Variants in PACRG observed in about 807,000 individuals in gnomAD.
The protein encoded by PACRG is parkin coregulated, also known as parkin coregulated gene protein.
In PACRG, 29 loss-of-function variants were observed where a neutral mutation model predicts 29.7. The ratio of observed to expected loss-of-function variants is 0.98; its 90% CI spans 0.73 to 1.33. PACRG has a LOEUF of 1.33. Among genes scored for constraint, PACRG ranks in the 40% most tolerant of loss-of-function variants. The probability of loss-of-function intolerance (pLI) is 0.00; values close to 1 mark genes in which losing one functional copy is unlikely to be tolerated. For synonymous variants in PACRG, 116 were observed against 118.7 expected, an observed-to-expected ratio of 0.98 and a Z score of 0.15; for missense variants, 279 against 316.2, an observed-to-expected ratio of 0.88 and a Z score of 0.89.
chr6:163,087,202 A>G (rs1813644502), intron 3 of PACRG, among the ~76,000 whole-genome samples: 1 of 152,104 alleles, frequency 6.6e-6, no homozygotes, highest in South Asian at 2.1e-4. Context: ...AGAGGAGAGA[A>G]GGTGAGGATG....
Position 162,743,330 on chromosome 6 carries a change from T to C in PACRG, c.156+14939T>C, listed in dbSNP as rs564290101. 5.3e-5 allele frequency among the ~76,000 whole-genome samples: 8 copies of C among 152,282 alleles called. No homozygotes were observed. In the South Asian group the frequency reaches 1.7e-3, roughly 32 times the overall value. On this transcript the variant is annotated intron_variant, in intron 1 of 4. Coordinates refer to ENST00000366888, the MANE Select transcript of PACRG (RefSeq NM_001080379.2). Reference sequence around the variant, plus strand: ...ATTCTTATGTAGAGTCTTAAGAAAATACATAAAAGAGAAAAGATAAATCTC... The same window carrying C: ...ATTCTTATGTAGAGTCTTAAGAAAACACATAAAAGAGAAAAGATAAATCTC...
At chr6:163,118,604 CT>C (rs1310037540) in intron 4 of PACRG, among the ~76,000 whole-genome samples, 1 of 152,160 alleles carries the variant, frequency 6.6e-6, no homozygotes, top group Non-Finnish European at 1.5e-5. Flanking sequence ...GTAAAGAACT[CT>C]TTTTAAAAAT....
intron 2 of PACRG, among the ~76,000 whole-genome samples, chr6:162,925,936 G>A (rs1026514959): frequency 7.2e-5 from 11 of 152,026 alleles, no homozygotes; most frequent in Non-Finnish European, 1.2e-4. Flanking sequence ...GTGCTAAGCT[G>A]ATATGCAACT....
At chr6:162,846,250 C>T (rs2128418458) in intron 2 of PACRG, among the ~76,000 whole-genome samples, 1 of 152,206 alleles carries the variant, frequency 6.6e-6, no homozygotes, top group Admixed American at 6.5e-5. Flanking sequence ...TGGGAGCAGC[C>T]CCAGGGAGCA....
intron 4 of PACRG, among the ~76,000 whole-genome samples, chr6:163,174,406 C>T (rs1015151560): frequency 6.6e-6 from 1 of 152,186 alleles, no homozygotes; most frequent in African/African-American, 2.4e-5. Flanking sequence ...CTGAATATGA[C>T]CCAAAACTTC....
At chr6:163,205,726 T>C (rs893857404) in intron 4 of PACRG, among the ~76,000 whole-genome samples, 3 of 152,044 alleles carry the variant, frequency 2.0e-5, no homozygotes, top group Non-Finnish European at 2.9e-5. Context: ...CTAATTAAAC[T>C]AAAGAGCTTC....
At chr6:163,170,543 C>T (rs1278856511) in intron 4 of PACRG, 1 of 152,156 alleles carries the variant, frequency 6.6e-6, no homozygotes, top group African/African-American at 2.4e-5. Flanking sequence ...CTCAAGGACT[C>T]ACCCTACTCT....
intron 2 of PACRG, among the ~76,000 whole-genome samples, chr6:162,892,296 T>G (rs1794823526): frequency 6.6e-6 from 1 of 152,136 alleles, no homozygotes; most frequent in African/African-American, 2.4e-5. Context: ...ATCAGTCTCT[T>G]CAAAAACTGA....
chr6:162,747,902 G>A (rs1398378179), intron 1 of PACRG, among the ~76,000 whole-genome samples: 1 of 152,032 alleles, frequency 6.6e-6, no homozygotes, highest in African/African-American at 2.4e-5. Context: ...AGACACCTGG[G>A]CTAACATCAT....
intron 4 of PACRG, among the ~76,000 whole-genome samples, chr6:163,292,197 G>A (rs1435193553): frequency 1.3e-5 from 2 of 152,138 alleles, no homozygotes; most frequent in Non-Finnish European, 2.9e-5. Context: ...AAGGAAGACC[G>A]ACCTCGACAG....
intron 2 of PACRG, among the ~76,000 whole-genome samples, chr6:162,925,291 G>A (rs1030425905): frequency 1.3e-5 from 2 of 152,072 alleles, no homozygotes; most frequent in East Asian, 1.9e-4. Flanking sequence ...TGAAAAGGAG[G>A]GACTTCTCCC....
chr6:162,849,566 C>T (rs1383194461), intron 2 of PACRG, among the ~76,000 whole-genome samples: 1 of 152,206 alleles, frequency 6.6e-6, no homozygotes. Context: ...TTGTGCTTGT[C>T]TGAGATTGGA....
chr6:162,744,408 G>A (rs1780829236), intron 1 of PACRG, among the ~76,000 whole-genome samples: 1 of 151,982 alleles, frequency 6.6e-6, no homozygotes, highest in Admixed American at 6.6e-5. Flanking sequence ...ACCAGCCTGG[G>A]AAACATAGCC....
At chr6:162,817,930 A>G (rs530684073) in intron 2 of PACRG, among the ~76,000 whole-genome samples, 409 of 152,286 alleles carry the variant, frequency 2.7e-3, no homozygotes, top group Non-Finnish European at 4.7e-3. Context: ...ATTTCTATAT[A>G]CTTATCAATG....
At chr6:162,990,508 A>C in intron 2 of PACRG, among the ~76,000 whole-genome samples, 1 of 138,226 alleles carries the variant, frequency 7.2e-6, no homozygotes, top group South Asian at 2.5e-4. Context: ...GCATTTTTTC[A>C]TGTGTTTTTT....
intron 4 of PACRG, among the ~76,000 whole-genome samples, chr6:163,267,730 C>T (rs1783583943): frequency 6.6e-6 from 1 of 152,190 alleles, no homozygotes; most frequent in African/African-American, 2.4e-5. Context: ...TATAAATCCC[C>T]TGTCACATTT....
chr6:162,873,423 C>T (rs867602856), intron 2 of PACRG, among the ~76,000 whole-genome samples: 3 of 152,190 alleles, frequency 2.0e-5, no homozygotes, highest in South Asian at 2.1e-4. Flanking sequence ...ACATATGTGT[C>T]TGTCTTAGCA....
At chr6:162,904,846 C>A (rs1795816822) in intron 2 of PACRG, among the ~76,000 whole-genome samples, 1 of 152,114 alleles carries the variant, frequency 6.6e-6, no homozygotes, top group African/African-American at 2.4e-5. Flanking sequence ...GAGAATAATG[C>A]AGGAGTGGCC....
At chr6:163,192,178 A>G (rs1382108488) in intron 4 of PACRG, among the ~76,000 whole-genome samples, 1 of 152,228 alleles carries the variant, frequency 6.6e-6, no homozygotes, top group African/African-American at 2.4e-5. Context: ...GGTTGGGAGA[A>G]AATCTGTAGT....
Sources: allele counts gnomAD v4.1 joint callset (sites outside exome capture counted in the v4.1 genomes callset), GRCh38; gene constraint gnomAD v4.1.1; transcripts MANE v1.5; gene names NCBI Gene and HGNC (gene_info 2026-07-23, HGNC 2026-07-21).